WDFY3: variants seen among roughly 807,000 people sequenced by gnomAD.
The protein encoded by WDFY3 is WD repeat and FYVE domain containing 3, also known as WD repeat and FYVE domain-containing protein 3.
WDFY3 carries 66 observed loss-of-function variants against 409.6 expected under a neutral mutation model. The ratio of observed to expected loss-of-function variants is 0.16; its 90% CI spans 0.13 to 0.20. WDFY3 has a LOEUF of 0.20. Among genes scored for constraint, WDFY3 ranks in the 10% least tolerant of loss-of-function variants. WDFY3 has a pLI of 1.00. For synonymous variants in WDFY3, 1,521 were observed against 1,537.1 expected (o/e 0.99, Z 0.25); for missense variants, 3,031 against 4,298.1 (o/e 0.71, Z 8.24).
Position 84,862,138 on chromosome 4 carries a change from C to G in WDFY3, c.-31-1516G>C, listed in dbSNP as rs542284569. 5.3e-5 allele frequency among the ~76,000 whole-genome samples: 8 copies of G among 152,272 alleles called. No individual in the cohort carries two copies. The East Asian group carries it at 1.4e-3, about 26-fold the overall frequency. ...GAACAAGAATTTCAAACACACTTGC[C>G]CTTGAGAATTTTGAGTGAATTCCAT... On this transcript the variant is annotated intron_variant, in intron 3 of 67. Transcript: ENST00000295888.
At chr4:84,761,352 G>C (rs1742558782) in intron 32 of WDFY3, among the ~76,000 whole-genome samples, 1 of 152,102 alleles carries the variant, frequency 6.6e-6, no homozygotes, top group Admixed American at 6.5e-5. Context: ...TTCAATTCCT[G>C]GGTATCCTTG....
At chr4:84,885,325 T>C (rs1764053911) in intron 3 of WDFY3, among the ~76,000 whole-genome samples, 1 of 101,312 alleles carries the variant, frequency 9.9e-6, no homozygotes, top group African/African-American at 3.8e-5. Flanking sequence ...TACATACATA[T>C]ACATATGTGT....
intron 5 of WDFY3, among the ~76,000 whole-genome samples, chr4:84,841,703 C>G (rs535360699): frequency 4.6e-5 from 7 of 152,252 alleles, no homozygotes; most frequent in African/African-American, 1.4e-4. Context: ...TATAGAAGAG[C>G]ACTGTTTAGA....
intron 19 of WDFY3, among the ~76,000 whole-genome samples, chr4:84,795,872 T>C (rs1252677082): frequency 6.6e-6 from 1 of 152,192 alleles, no homozygotes; most frequent in African/African-American, 2.4e-5. Flanking sequence ...TTATAGATTT[T>C]TTAGATTCAT....
intron 16 of WDFY3, 122 bp downstream of exon 16, chr4:84,803,164 TCCCC>T: frequency 9.3e-7 from 1 of 1,071,620 alleles, no homozygotes; most frequent in Non-Finnish European, 1.2e-6. Flanking sequence ...TCCTTTTTTT[TCCCC>T]TTCAGCTACT....
At chr4:84,683,001 A>G (rs185110424) in intron 63 of WDFY3, 1 of 154,192 alleles carries the variant, frequency 6.5e-6, no homozygotes, top group Admixed American at 6.4e-5. Flanking sequence ...AAACAAAAAC[A>G]TAGTTCAACT....
intron 32 of WDFY3, among the ~76,000 whole-genome samples, chr4:84,763,190 T>C (rs564486780): frequency 2.0e-5 from 3 of 152,304 alleles, no homozygotes; most frequent in Admixed American, 2.0e-4. Context: ...GAAAGATTTT[T>C]ATGGCAGCCA....
intron 36 of WDFY3, among the ~76,000 whole-genome samples, chr4:84,750,766 T>TA (rs1740384670): frequency 6.6e-6 from 1 of 152,222 alleles, no homozygotes; most frequent in Admixed American, 6.5e-5. Flanking sequence ...TGAGGTCACT[T>TA]AAAGGCTTAG....
At chr4:84,777,402 A>G (rs1371111250) in intron 27 of WDFY3, among the ~76,000 whole-genome samples, 1 of 152,128 alleles carries the variant, frequency 6.6e-6, no homozygotes, top group African/African-American at 2.4e-5. Context: ...GCTGCAAGAA[A>G]ATAATAGAAA....
At chr4:84,727,706 A>T (rs1392294637) in intron 44 of WDFY3, among the ~76,000 whole-genome samples, 1 of 152,208 alleles carries the variant, frequency 6.6e-6, no homozygotes, top group African/African-American at 2.4e-5. Flanking sequence ...TTCATGGTTT[A>T]TATCTGGTGA....
At chr4:84,809,735 T>G in intron 14 of WDFY3, 152 bp downstream of exon 14, 1 of 661,448 alleles carries the variant, frequency 1.5e-6, no homozygotes, top group East Asian at 3.0e-5. Flanking sequence ...AGAGCAAGAG[T>G]AATATTCAAA....
Position 84,937,067 on chromosome 4 carries a change from A to C in WDFY3, c.-225-4704T>G, listed in dbSNP as rs1579203035. Among the ~76,000 whole-genome samples the C allele has an allele frequency of 2.6e-5, 4 of 152,122 alleles. No homozygotes were observed. The South Asian group carries it at 8.3e-4, about 31-fold the overall frequency. ...CTCTAGATGATGGCCAATATCTTTG[A>C]TTCCTTTTTTAGCAAAACATCACAA... On this transcript the variant is annotated intron_variant, in intron 1 of 67. Coordinates refer to ENST00000295888, the MANE Select transcript of WDFY3 (RefSeq NM_014991.6).
intron 32 of WDFY3, among the ~76,000 whole-genome samples, chr4:84,758,998 A>T (rs1481473019): frequency 6.6e-6 from 1 of 152,172 alleles, no homozygotes; most frequent in African/African-American, 2.4e-5. Flanking sequence ...TAAGCAAGGG[A>T]TCCAGTTTCA....
At chr4:84,691,946 A>G (rs1729339829) in intron 59 of WDFY3, among the ~76,000 whole-genome samples, 161 bp from the exon 60 acceptor site, 1 of 152,230 alleles carries the variant, frequency 6.6e-6, no homozygotes, top group South Asian at 2.1e-4. Flanking sequence ...TGAATCTCCT[A>G]CAAGACCTGC....
chr4:84,730,195 C>T (rs1736355164), intron 44 of WDFY3, among the ~76,000 whole-genome samples: 1 of 152,034 alleles, frequency 6.6e-6, no homozygotes, highest in Non-Finnish European at 1.5e-5. Flanking sequence ...CTTAGAGAGC[C>T]CTCTCCTTAA....
chr4:84,801,787 C>A lies in WDFY3; in HGVS notation c.2685G>T (p.Met895Ile). 1 of 1,614,194 alleles carries A rather than the reference C, an allele frequency of 6.2e-7. No individual in the cohort carries two copies. The change falls in exon 17 of 68, where the codon ATG becomes ATT. Residue 895 changes from methionine (M) to isoleucine (I), a missense_variant. Met to Ile is a conservative substitution (Grantham distance 10, BLOSUM62 1). Around this residue, in one of 16 missense-constraint regions of WDFY3, gnomAD observed 1,322 missense variants for 1,697.9 expected, o/e 0.78. Transcript: ENST00000295888. Reference sequence around the variant, plus strand: ...GTCGTGCATGAAGACCAGCTTCACACATGACTTGCTGGTTCCTTTCTGTGT... The same window carrying A: ...GTCGTGCATGAAGACCAGCTTCACAAATGACTTGCTGGTTCCTTTCTGTGT... ...LVHTERNQQV[M>I]CEAGLHARLL... is the part of the protein sequence containing the mutation.
intron 58 of WDFY3, among the ~76,000 whole-genome samples, chr4:84,695,509 T>TAGAG (rs869147060): frequency 0.054 from 5,802 of 107,250 alleles, 184 homozygotes; most frequent in East Asian, 0.094. Context: ...CAGAGAGAGA[T>TAGAG]AGAGAGAGAG....
chr4:84,768,323 A>G (rs886204121), intron 30 of WDFY3, among the ~76,000 whole-genome samples: 9 of 152,140 alleles, frequency 5.9e-5, no homozygotes, highest in Admixed American at 5.9e-4. Context: ...ACAACTTCCT[A>G]TTGGAAGAAG....
intron 43 of WDFY3, among the ~76,000 whole-genome samples, chr4:84,734,788 T>C (rs573644617): frequency 6.6e-6 from 1 of 152,334 alleles, no homozygotes; most frequent in East Asian, 1.9e-4. Context: ...CAGTAGTGAA[T>C]GTCAACAGAA....
Sources: allele counts gnomAD v4.1 joint callset (sites outside exome capture counted in the v4.1 genomes callset), GRCh38; gene constraint gnomAD v4.1.1; regional missense constraint gnomAD v4.1.1; transcripts MANE v1.5; gene names NCBI Gene and HGNC (gene_info 2026-07-23, HGNC 2026-07-21).